The following ZC3H7A variants were observed in gnomAD, a reference collection of about 807,000 sequenced individuals.
ZC3H7A encodes the protein zinc finger CCCH-type containing 7A.
Under a neutral mutation model 125.5 loss-of-function variants are expected in ZC3H7A, and 44 were observed. The ratio of observed to expected loss-of-function variants is 0.35; its 90% CI spans 0.28 to 0.45. ZC3H7A has a LOEUF of 0.45. ZC3H7A is among the 20% of genes least tolerant of loss of function. ZC3H7A has a pLI of 1.00. For synonymous variants in ZC3H7A, 399 were observed against 391.2 expected, an observed-to-expected ratio of 1.02 and a Z score of -0.23; for missense variants, 977 against 1,170.7, an observed-to-expected ratio of 0.83 and a Z score of 2.41.
intron 11 of ZC3H7A, among the ~76,000 whole-genome samples, 193 bp downstream of exon 11, chr16:11,768,838 T>G (rs2052916347): frequency 6.6e-6 from 1 of 152,190 alleles, no homozygotes. Context: ...TACCGATTAA[T>G]TTGCTATGAC....
Position 11,752,666 on chromosome 16 carries a change from T to G in ZC3H7A, c.2726+3A>C. 2 of 1,609,930 alleles carry G rather than the reference T, an allele frequency of 1.2e-6. No individual in the cohort carries two copies. The highest frequency in any genetic ancestry group is 1.7e-6 in the Non-Finnish European group (2 of 1,178,864). On this transcript the variant is annotated splice_donor_region_variant and intron_variant, in intron 22 of 22. Transcript: ENST00000355758. ...CATGGAAAAATTGTAGAAACCTACA[T>G]ACCTATCACAAATACTGAAATAGCC... is the stretch of plus-strand genomic sequence containing the variant.
chr16:11,786,067 T>C (rs375539403), intron 1 of ZC3H7A, among the ~76,000 whole-genome samples: 2 of 152,308 alleles, frequency 1.3e-5, no homozygotes, highest in African/African-American at 2.4e-5. Context: ...CTTTTCAATC[T>C]ATGTGTTCAA....
At chr16:11,793,454 G>T (rs1454080825) in intron 1 of ZC3H7A, among the ~76,000 whole-genome samples, 2 of 151,918 alleles carry the variant, frequency 1.3e-5, no homozygotes, top group African/African-American at 4.8e-5. Flanking sequence ...GATTGCTTGA[G>T]GCCAGGAGTT....
At position 11,751,299 on chromosome 16, in the gene ZC3H7A, T is replaced by C. The variant is rs368817221; in HGVS notation, c.*18A>G. ...TGGTCAATGCTCTGATTAGGTATCA[T>C]ACATAAAAGCCAGCATATTAGTTTA... On this transcript the variant is annotated 3_prime_UTR_variant, in exon 23 of 23. Coordinates refer to ENST00000355758, the MANE Select transcript of ZC3H7A (RefSeq NM_014153.4). The C allele has an allele frequency of 5.0e-6, 8 of 1,601,620 alleles. No individual in the cohort carries two copies. The highest frequency in any genetic ancestry group is 6.8e-6 in the Non-Finnish European group (8 of 1,173,604).
chr16:11,762,791 C>T (rs374660230), intron 16 of ZC3H7A, 44 bp from the exon 17 acceptor site: 6 of 1,592,016 alleles, frequency 3.8e-6, no homozygotes, highest in South Asian at 3.3e-5. Flanking sequence ...TCTATAAGAA[C>T]AACAGCCCAC....
At chr16:11,790,876 A>C (rs1207568608) in intron 1 of ZC3H7A, among the ~76,000 whole-genome samples, 1 of 150,232 alleles carries the variant, frequency 6.7e-6, no homozygotes, top group Non-Finnish European at 1.5e-5. Flanking sequence ...ATTCTGCCTC[A>C]AAAATAAATA....
chr16:11,755,410 AT>A (rs752925939), intron 21 of ZC3H7A, among the ~76,000 whole-genome samples: 8 of 152,186 alleles, frequency 5.3e-5, no homozygotes, highest in Non-Finnish European at 1.2e-4. Context: ...GATATTTGTT[AT>A]AGTATCCTCT....
At chr16:11,797,059 C>CGGGGGGGGGGCGGGGGCGCGG (rs755431804) in intron 1 of ZC3H7A, 65 bp downstream of exon 1, 1 of 143,370 alleles carries the variant, frequency 7.0e-6, no homozygotes, top group Non-Finnish European at 1.5e-5. Flanking sequence ...GCGGCGCGCG[C>CGGGGGGGGGGCGGGGGCGCGG]GGGGGGGGCG....
At chr16:11,771,266 T>C (rs1303528964) in intron 9 of ZC3H7A, among the ~76,000 whole-genome samples, 1 of 151,836 alleles carries the variant, frequency 6.6e-6, no homozygotes, top group African/African-American at 2.4e-5. Flanking sequence ...CATGCGCCTG[T>C]AGTCCCAGCT....
rs543154493 is a variant in ZC3H7A at position 11,770,148 on chromosome 16, A to G, written c.1108+635T>C. 4.6e-5 allele frequency among the ~76,000 whole-genome samples: 7 copies of G among 152,046 alleles called. No homozygotes were observed. In the South Asian group the frequency reaches 1.0e-3, roughly 23 times the overall value. ...CTCTCTGCCCTTCTGTCTCCCATAT[A>G]TTTTAATTTCTTTAAGTCAATCTTT... is the stretch of plus-strand genomic sequence containing the variant. On this transcript the variant is annotated intron_variant, in intron 10 of 22. Coordinates refer to ENST00000355758, the MANE Select transcript of ZC3H7A (RefSeq NM_014153.4).
chr16:11,765,706 C>T lies in ZC3H7A; in HGVS notation c.1523-21G>A. On this transcript the variant is annotated intron_variant, in intron 13 of 22. Coordinates refer to ENST00000355758, the MANE Select transcript of ZC3H7A (RefSeq NM_014153.4). This position sits in a 1 kb window ranked among gnomAD's most constrained non-coding sequence, Gnocchi z 4.8. ...AACATCTAGAAAGACAGGGAATGGA[C>T]AGACATTGAAAACATGGCAATTGGC... The T allele has an allele frequency of 6.2e-7, 1 of 1,600,928 alleles. No homozygotes were observed. Among genetic ancestry groups the T allele is most frequent in the Non-Finnish European group, 8.5e-7 (1 of 1,172,126 alleles).
intron 19 of ZC3H7A, among the ~76,000 whole-genome samples, chr16:11,760,122 GAAAA>G (rs66812605): frequency 3.6e-5 from 3 of 82,532 alleles, no homozygotes; most frequent in African/African-American, 1.6e-4. Flanking sequence ...AAGAAAAAAT[GAAAA>G]AAAAAAAAAA....
chr16:11,782,258 C>G (rs751290582), intron 2 of ZC3H7A, 29 bp downstream of exon 2: 18 of 1,613,448 alleles, frequency 1.1e-5, no homozygotes, highest in Admixed American at 6.7e-5. Context: ...TAGGACGCGG[C>G]AAGAACACAA....
chr16:11,793,353 G>A (rs2141224394), intron 1 of ZC3H7A, among the ~76,000 whole-genome samples: 1 of 152,120 alleles, frequency 6.6e-6, no homozygotes, highest in African/African-American at 2.4e-5. Flanking sequence ...GGCAACATAG[G>A]AGACCCCATC....
At chr16:11,788,767 G>C (rs6498244) in intron 1 of ZC3H7A, among the ~76,000 whole-genome samples, 82,540 of 151,220 alleles carry the variant, frequency 0.55, 24,759 homozygotes, top group East Asian at 0.81. Flanking sequence ...GTACGCACCA[G>C]CACACCCAGC....
At chr16:11,762,621 G>C in intron 17 of ZC3H7A, 50 bp downstream of exon 17, 1 of 1,553,402 alleles carries the variant, frequency 6.4e-7, no homozygotes, top group Non-Finnish European at 8.9e-7. Flanking sequence ...CATCTATTAC[G>C]CAATTCCAGA....
intron 7 of ZC3H7A, 91 bp from the exon 8 acceptor site, chr16:11,775,104 G>C: frequency 7.1e-7 from 1 of 1,399,024 alleles, no homozygotes; most frequent in Admixed American, 1.7e-5. Context: ...CGGGCACAGT[G>C]GCTCACGCCT....
chr16:11,751,630 A>C, intron 22 of ZC3H7A, 124 bp from the exon 23 acceptor site: 124 of 942,024 alleles, frequency 1.3e-4, no homozygotes, highest in Non-Finnish European at 1.8e-4. Flanking sequence ...TAGGAATCTC[A>C]AGCCTAGAAT....
intron 1 of ZC3H7A, among the ~76,000 whole-genome samples, chr16:11,785,324 G>A (rs928311652): frequency 1.3e-5 from 2 of 151,596 alleles, no homozygotes; most frequent in Non-Finnish European, 2.9e-5. Context: ...GGGTGACAGA[G>A]TGAGACCTTG....
Sources: gnomAD v4.1 joint callset for allele counts (sites outside exome capture counted in the v4.1 genomes callset) on GRCh38, gnomAD v4.1.1 for gene constraint, Gnocchi (gnomAD v3.1) non-coding constraint, MANE v1.5 for transcripts, NCBI Gene and HGNC (gene_info 2026-07-23, HGNC 2026-07-21) for gene names.